The following TTC39C variants were observed in gnomAD, a reference collection of about 807,000 sequenced individuals.
The protein encoded by TTC39C is tetratricopeptide repeat protein 39C.
A neutral mutation model predicts 76.3 loss-of-function variants in TTC39C; 33 were observed. That is an observed-to-expected ratio of 0.43 (90% CI 0.33 to 0.58). The LOEUF (loss-of-function observed/expected upper bound fraction) is 0.58, where lower values mean the gene tolerates loss of function less well. Ranked by LOEUF, TTC39C falls within the 20% of genes least tolerant of loss-of-function variation. The pLI is 0.04. For missense variants in TTC39C, 595 were observed against 701.4 expected (o/e 0.85, Z 1.71); for synonymous variants, 254 against 260.6 (o/e 0.97, Z 0.24).
At chr18:24,069,395 A>G (rs1002083082) in intron 4 of TTC39C, 124 bp downstream of exon 4, 31 of 764,312 alleles carry the variant, frequency 4.1e-5, no homozygotes, top group Non-Finnish European at 6.3e-5. Flanking sequence ...GGGGCATGAT[A>G]CTGATTTATT....
chr18:24,083,370 G>C (rs1190491628), intron 6 of TTC39C, among the ~76,000 whole-genome samples: 1 of 152,136 alleles, frequency 6.6e-6, no homozygotes, highest in Non-Finnish European at 1.5e-5. Flanking sequence ...TTATTTAGTT[G>C]CTGAGTTGAA....
intron 4 of TTC39C, among the ~76,000 whole-genome samples, chr18:24,072,295 CTTT>C (rs35989927): frequency 1.4e-5 from 2 of 142,024 alleles, no homozygotes; most frequent in Admixed American, 7.1e-5. Flanking sequence ...ATGATTCATG[CTTT>C]TTTTTTTTTT....
chr18:24,071,552 A>G (rs537923797), intron 4 of TTC39C, among the ~76,000 whole-genome samples: 2 of 152,296 alleles, frequency 1.3e-5, no homozygotes, highest in South Asian at 4.1e-4. Flanking sequence ...AATTGAATCT[A>G]AAGTATTTTG....
chr18:24,095,782 T>TATCAGCTTTCAACATGCCTTC (rs1176294919), intron 6 of TTC39C, among the ~76,000 whole-genome samples: 2 of 152,218 alleles, frequency 1.3e-5, no homozygotes, highest in African/African-American at 4.8e-5. Context: ...TTCCAGCCTT[T>TATCAGCTTTCAACATGCCTTC]CTCAGCTTTC....
chr18:23,998,137 GT>G (rs2083284073), intron 1 of TTC39C, among the ~76,000 whole-genome samples: 1 of 152,152 alleles, frequency 6.6e-6, no homozygotes, highest in Admixed American at 6.5e-5. Flanking sequence ...CAAGTTAGAG[GT>G]TATTATATTC....
chr18:24,117,833 T>C (rs2084916013), intron 7 of TTC39C, among the ~76,000 whole-genome samples: 1 of 152,210 alleles, frequency 6.6e-6, no homozygotes, highest in African/African-American at 2.4e-5. Context: ...TGGGTTAGCC[T>C]CACGACTGTT....
At chr18:24,050,876 A>G (rs2083940314) in intron 1 of TTC39C, among the ~76,000 whole-genome samples, 1 of 7,174 alleles carries the variant, frequency 1.4e-4, no homozygotes, top group Non-Finnish European at 3.3e-4. Flanking sequence ...CCATCTCAGG[A>G]AAAAAAAAAA....
At chr18:24,082,303 G>T (rs1355762020) in intron 5 of TTC39C, among the ~76,000 whole-genome samples, 1 of 151,966 alleles carries the variant, frequency 6.6e-6, no homozygotes, top group African/African-American at 2.4e-5. Flanking sequence ...GCCAGAGAAA[G>T]AGCCCTTTGT....
intron 1 of TTC39C, chr18:24,016,698 A>G (rs1452299623): frequency 5.0e-6 from 2 of 398,490 alleles, no homozygotes; most frequent in Non-Finnish European, 8.8e-6. Context: ...ACTCTCTCCC[A>G]GCAACAGCAG....
chr18:24,069,206 A>G lies in TTC39C; in HGVS notation c.395A>G (p.Gln132Arg), dbSNP rs749118655. 28 of 1,614,136 alleles carry G rather than the reference A, an allele frequency of 1.7e-5. No homozygotes were observed. The highest frequency in any genetic ancestry group is 2.4e-5 in the Non-Finnish European group (28 of 1,179,970). Residue 132 changes from glutamine (Q) to arginine (R), a missense_variant, in exon 4 of 14, where the codon CAG (glutamine) becomes CGG (arginine). Transcript: ENST00000317571. Reference protein sequence around the residue: ...APSMVDRLQRQIIIADCQVYL... With the variant: ...APSMVDRLQRRIIIADCQVYL... ...TCTATGGTTGATCGGCTTCAGAGGC[A>G]GATAATCATAGCTGACTGCCAGGTT...
At chr18:24,116,569 T>C (rs2084893831) in intron 7 of TTC39C, among the ~76,000 whole-genome samples, 1 of 152,154 alleles carries the variant, frequency 6.6e-6, no homozygotes, top group South Asian at 2.1e-4. Flanking sequence ...AAATTTTTAC[T>C]CTAAACTATG....
At chr18:24,029,975 T>A (rs2083647979) in intron 1 of TTC39C, among the ~76,000 whole-genome samples, 1 of 152,252 alleles carries the variant, frequency 6.6e-6, no homozygotes, top group African/African-American at 2.4e-5. Flanking sequence ...CATGTACATG[T>A]GTCTTTTTCA....
intron 6 of TTC39C, among the ~76,000 whole-genome samples, chr18:24,101,115 A>G (rs77738015): frequency 6.6e-6 from 1 of 151,928 alleles, no homozygotes; most frequent in African/African-American, 2.4e-5. Flanking sequence ...AGGCTAGATA[A>G]TTTGTGAGAT....
At chr18:24,044,099 C>A (rs1317982876) in intron 1 of TTC39C, among the ~76,000 whole-genome samples, 1 of 146,362 alleles carries the variant, frequency 6.8e-6, no homozygotes, top group Non-Finnish European at 1.5e-5. Flanking sequence ...TGTTTAATAA[C>A]CAGTTTTGTT....
intron 6 of TTC39C, 58 bp downstream of exon 6, chr18:24,083,139 C>T (rs894775706): frequency 6.6e-7 from 1 of 1,521,486 alleles, no homozygotes; most frequent in African/African-American, 1.4e-5. Context: ...ATCTCTGATT[C>T]TCACTTGAGG....
At chr18:24,111,499 G>A (rs1364095787) in intron 6 of TTC39C, among the ~76,000 whole-genome samples, 1 of 151,708 alleles carries the variant, frequency 6.6e-6, no homozygotes, top group Non-Finnish European at 1.5e-5. Context: ...AACCCAGGAG[G>A]CAGAGGTTGC....
At chr18:24,117,739 G>A (rs999302225) in intron 7 of TTC39C, among the ~76,000 whole-genome samples, 2 of 151,606 alleles carry the variant, frequency 1.3e-5, no homozygotes, top group Non-Finnish European at 2.9e-5. Flanking sequence ...ATGAGTGGTA[G>A]TCACTGAGTA....
intron 1 of TTC39C, among the ~76,000 whole-genome samples, chr18:24,017,006 T>C (rs1010052624): frequency 2.0e-5 from 3 of 152,148 alleles, no homozygotes; most frequent in African/African-American, 7.2e-5. Flanking sequence ...ACTATAGTTC[T>C]AAATCAAGGA....
At position 24,051,388 on chromosome 18, in the gene TTC39C, G is replaced by A. The variant is rs529342248; in HGVS notation, c.168-12752G>A. Among the ~76,000 whole-genome samples, 14 of 152,260 alleles carry A rather than the reference G, an allele frequency of 9.2e-5. No individual in the cohort carries two copies. The South Asian group carries it at 2.3e-3, about 25-fold the overall frequency. ...TGCAGTGGCTGTAAATGCAAACATC[G>A]CTGTACACACAGGGGCCATGCTGTC... is the stretch of plus-strand genomic sequence containing the variant. On this transcript the variant is annotated intron_variant, in intron 1 of 13. Transcript: ENST00000317571.
Sources: allele counts gnomAD v4.1 joint callset (sites outside exome capture counted in the v4.1 genomes callset), GRCh38; gene constraint gnomAD v4.1.1; transcripts MANE v1.5; gene names NCBI Gene and HGNC (gene_info 2026-07-23, HGNC 2026-07-21).